The following SNTG1 variants were observed in gnomAD, a reference collection of about 807,000 sequenced individuals.
The protein encoded by SNTG1 is gamma-1-syntrophin.
SNTG1 carries 39 observed loss-of-function variants against 74.7 expected under a neutral mutation model. The observed-to-expected ratio is 0.52, with a 90% confidence interval of 0.40 to 0.68. The LOEUF is 0.68. Among genes scored for constraint, SNTG1 ranks in the 30% least tolerant of loss-of-function variants. The probability of loss-of-function intolerance (pLI) is 0.00; values close to 1 mark genes in which losing one functional copy is unlikely to be tolerated. For synonymous variants in SNTG1, 254 were observed against 217.1 expected, an observed-to-expected ratio of 1.17 and a Z score of -1.49; for missense variants, 685 against 609.5, an observed-to-expected ratio of 1.12 and a Z score of -1.30.
chr8:50,350,407 C>T (rs2091620588), intron 2 of SNTG1, among the ~76,000 whole-genome samples: 1 of 152,176 alleles, frequency 6.6e-6, no homozygotes, highest in Admixed American at 6.5e-5. Flanking sequence ...ACTTCAAGAA[C>T]CTTTATGTCT....
chr8:50,285,987 G>T (rs1189437782), intron 2 of SNTG1, among the ~76,000 whole-genome samples: 1 of 151,496 alleles, frequency 6.6e-6, no homozygotes, highest in African/African-American at 2.4e-5. Context: ...TTTCACAATT[G>T]CCATTTTGTT....
At chr8:50,589,296 C>T (rs1325232050) in intron 12 of SNTG1, among the ~76,000 whole-genome samples, 1 of 151,976 alleles carries the variant, frequency 6.6e-6, no homozygotes, top group African/African-American at 2.4e-5. Flanking sequence ...ATAACAATTC[C>T]TCACAGGTAA....
At chr8:50,236,800 G>T (rs1219618482) in intron 2 of SNTG1, among the ~76,000 whole-genome samples, 1 of 151,972 alleles carries the variant, frequency 6.6e-6, no homozygotes, top group Non-Finnish European at 1.5e-5. Flanking sequence ...ATAACCTAAT[G>T]AACTGAAATG....
chr8:50,716,987 C>T (rs1367968895), intron 17 of SNTG1, among the ~76,000 whole-genome samples: 1 of 152,118 alleles, frequency 6.6e-6, no homozygotes, highest in Non-Finnish European at 1.5e-5. Flanking sequence ...CCGCCTGCCT[C>T]AGCCTCCCAA....
intron 2 of SNTG1, among the ~76,000 whole-genome samples, chr8:50,384,873 C>A (rs7839253): frequency 0.69 from 104,334 of 151,912 alleles, 36,069 homozygotes; most frequent in East Asian, 0.84. Context: ...ATGATGTGTA[C>A]CCCTAATTTT....
chr8:50,660,147 G>A (rs776957563), intron 15 of SNTG1, among the ~76,000 whole-genome samples: 2 of 151,218 alleles, frequency 1.3e-5, no homozygotes, highest in African/African-American at 4.9e-5. Flanking sequence ...GGCGAACTGT[G>A]TATTTTTAGG....
intron 2 of SNTG1, among the ~76,000 whole-genome samples, chr8:50,273,093 A>C (rs1181755317): frequency 6.6e-6 from 1 of 152,144 alleles, no homozygotes; most frequent in Non-Finnish European, 1.5e-5. Flanking sequence ...TAGTTATCTG[A>C]AATTGTCTTG....
chr8:50,630,511 T>C (rs79788816), intron 13 of SNTG1, among the ~76,000 whole-genome samples: 6,562 of 152,318 alleles, frequency 0.043, 248 homozygotes, highest in African/African-American at 0.095. Flanking sequence ...TTTTAATTGC[T>C]TCATCTATAA....
At chr8:50,609,625 C>G (rs943643843) in intron 13 of SNTG1, among the ~76,000 whole-genome samples, 7 of 151,812 alleles carry the variant, frequency 4.6e-5, no homozygotes, top group Non-Finnish European at 1.0e-4. Flanking sequence ...GTTATTCTCC[C>G]TCTTCTCTCT....
intron 2 of SNTG1, among the ~76,000 whole-genome samples, chr8:50,236,600 G>A (rs1225930575): frequency 1.3e-5 from 2 of 151,840 alleles, no homozygotes; most frequent in African/African-American, 2.4e-5. Context: ...ACAGGCGCCC[G>A]CCACTGCGCC....
Position 50,793,070 on chromosome 8 carries a change from G to A in SNTG1, c.*241G>A. The stretch of plus-strand genomic sequence containing the variant: ...ACTCAGTTGCTTTGTACCAGTAAGT[G>A]TATTGCTTTCACCAAAAGTGGAGAC... On this transcript the variant is annotated 3_prime_UTR_variant, in exon 19 of 19. Coordinates refer to ENST00000642720, the MANE Select transcript of SNTG1 (RefSeq NM_018967.5). 2 of 345,902 alleles carry A rather than the reference G, an allele frequency of 5.8e-6. No individual in the cohort carries two copies. The highest frequency in any genetic ancestry group is 4.7e-5 in the Admixed American group (1 of 21,298). The allele number at this position is 345,902 out of a possible 1,614,324, so 21.4% of individuals were successfully genotyped here.
At chr8:50,414,033 G>T (rs530329094) in intron 4 of SNTG1, among the ~76,000 whole-genome samples, 15 of 152,166 alleles carry the variant, frequency 9.9e-5, no homozygotes, top group African/African-American at 3.6e-4. Context: ...GTAATTGCAA[G>T]ATCTGCAGTC....
chr8:50,751,273 GTTT>G (rs1054297657), intron 17 of SNTG1, among the ~76,000 whole-genome samples: 4 of 151,956 alleles, frequency 2.6e-5, no homozygotes, highest in Non-Finnish European at 4.4e-5. Flanking sequence ...GGACATGCAT[GTTT>G]TTAGTTTCAG....
chr8:50,038,997 G>T (rs181972967), intron 1 of SNTG1, among the ~76,000 whole-genome samples: 1 of 152,284 alleles, frequency 6.6e-6, no homozygotes, highest in African/African-American at 2.4e-5. Context: ...GGGGAACTCC[G>T]ATGACACATA....
intron 1 of SNTG1, among the ~76,000 whole-genome samples, chr8:50,077,879 A>C (rs1418586431): frequency 1.3e-5 from 2 of 152,154 alleles, no homozygotes; most frequent in African/African-American, 4.8e-5. Flanking sequence ...TTATAGTTCC[A>C]ACTCTTACCT....
chr8:50,734,748 T>A (rs1444475052), intron 17 of SNTG1, among the ~76,000 whole-genome samples: 3 of 84,026 alleles, frequency 3.6e-5, no homozygotes, highest in Non-Finnish European at 6.6e-5. Flanking sequence ...TGGACATGTA[T>A]ATAGATATCT....
intron 1 of SNTG1, among the ~76,000 whole-genome samples, chr8:50,161,838 C>G (rs910679405): frequency 6.6e-6 from 1 of 152,070 alleles, no homozygotes; most frequent in South Asian, 2.1e-4. Flanking sequence ...AAAGGAAAGA[C>G]CACAAATTAG....
chr8:50,560,734 G>A lies in SNTG1; in HGVS notation c.810+7555G>A, dbSNP rs182046763. On this transcript the variant is annotated intron_variant, in intron 12 of 18. Transcript: ENST00000642720. Reference sequence around the variant, plus strand: ...GCTGGTTGTTGTTGGAGGGGAGGGAGAGCATCAAGAAGAACAGCTAATGGG... The same window carrying A: ...GCTGGTTGTTGTTGGAGGGGAGGGAAAGCATCAAGAAGAACAGCTAATGGG... Among the ~76,000 whole-genome samples, 38 of 152,190 alleles carry A rather than the reference G, an allele frequency of 2.5e-4. No homozygotes were observed. The East Asian group carries it at 6.2e-3, about 25-fold the overall frequency.
intron 8 of SNTG1, among the ~76,000 whole-genome samples, chr8:50,475,252 G>C (rs1210052215): frequency 6.7e-6 from 1 of 150,368 alleles, no homozygotes; most frequent in Non-Finnish European, 1.5e-5. Flanking sequence ...TAATAAAAAA[G>C]AGCATGCAGT....
Sources: gnomAD v4.1 joint callset for allele counts (sites outside exome capture counted in the v4.1 genomes callset) on GRCh38, gnomAD v4.1.1 for gene constraint, MANE v1.5 for transcripts, NCBI Gene and HGNC (gene_info 2026-07-23, HGNC 2026-07-21) for gene names.